Variants in AKAP9 observed in about 807,000 individuals in gnomAD.
The protein encoded by AKAP9 is A-kinase anchoring protein 9.
A neutral mutation model predicts 488.5 loss-of-function variants in AKAP9; 311 were observed. The observed-to-expected ratio is 0.64, with a 90% CI of 0.58 to 0.70. AKAP9 has a LOEUF of 0.70. Ranked by LOEUF, AKAP9 falls within the 30% of genes least tolerant of loss-of-function variation. The pLI is 0.00. For missense variants in AKAP9, 4,215 were observed against 4,374.5 expected, an observed-to-expected ratio of 0.96 and a Z score of 1.03; for synonymous variants, 1,462 against 1,483.5, an observed-to-expected ratio of 0.99 and a Z score of 0.33.
Position 92,061,326 on chromosome 7 carries a change from A to C in AKAP9, c.5668A>C (p.Thr1890Pro). 6.2e-7 allele frequency: 1 copy of C among 1,613,258 alleles called. No individual in the cohort carries two copies. Among genetic ancestry groups the C allele is most frequent in the Non-Finnish European group, 8.5e-7 (1 of 1,179,514 alleles). ...GTCATTTAGACAGAAACAAGAAGCA[A>C]CAGAGTCCCTTAAGTGCCAAGAGGA... ...RESFRQKQEA[T>P]ESLKCQEELR... Residue 1890 changes from threonine to proline, a missense_variant, in exon 23 of 50, where the codon ACA (threonine) becomes CCA (proline). Coordinates refer to ENST00000356239, the MANE Select transcript of AKAP9 (RefSeq NM_005751.5).
At chr7:92,107,615 T>A in intron 48 of AKAP9, 193 bp downstream of exon 48, 1 of 543,090 alleles carries the variant, frequency 1.8e-6, no homozygotes, top group Non-Finnish European at 3.3e-6. Flanking sequence ...GGCGGGCAGA[T>A]CATGAGGTCA....
chr7:91,947,906 A>G (rs1791668403), intron 1 of AKAP9, among the ~76,000 whole-genome samples: 2 of 152,150 alleles, frequency 1.3e-5, no homozygotes, highest in South Asian at 4.1e-4. Flanking sequence ...CTTCCCAAAC[A>G]TCTTTCCATC....
chr7:92,064,012 C>T (rs1017942726), intron 24 of AKAP9, among the ~76,000 whole-genome samples: 1 of 152,130 alleles, frequency 6.6e-6, no homozygotes, highest in African/African-American at 2.4e-5. Context: ...AATCTCCTGG[C>T]CTCAGGTGAT....
intron 8 of AKAP9, among the ~76,000 whole-genome samples, chr7:92,011,771 A>G (rs899681966): frequency 2.6e-5 from 4 of 152,204 alleles, no homozygotes; most frequent in Non-Finnish European, 5.9e-5. Flanking sequence ...GTGAGCCTCT[A>G]CTGCATTCTA....
intron 16 of AKAP9, 75 bp downstream of exon 16, chr7:92,031,679 A>C: frequency 8.9e-7 from 1 of 1,123,862 alleles, no homozygotes; most frequent in Non-Finnish European, 1.4e-6. Context: ...CATAGATTTT[A>C]TCGATGGTAT....
chr7:92,078,650 T>C (rs1813017389), intron 30 of AKAP9, among the ~76,000 whole-genome samples: 1 of 152,014 alleles, frequency 6.6e-6, no homozygotes, highest in African/African-American at 2.4e-5. Flanking sequence ...AATATTGTCA[T>C]AGGATTCTAA....
At chr7:92,089,046 T>A (rs957139634) in intron 37 of AKAP9, among the ~76,000 whole-genome samples, 2 of 152,172 alleles carry the variant, frequency 1.3e-5, no homozygotes, top group Admixed American at 6.5e-5. Flanking sequence ...CTTGGGAATA[T>A]CACTTTTTTT....
chr7:92,069,124 T>G (rs1403779070), intron 26 of AKAP9, among the ~76,000 whole-genome samples: 6 of 152,198 alleles, frequency 3.9e-5, no homozygotes, highest in African/African-American at 1.4e-4. Flanking sequence ...TCACACCCCT[T>G]CATCCTTAGC....
chr7:92,059,362 C>T (rs1418751199), intron 22 of AKAP9, among the ~76,000 whole-genome samples: 1 of 151,772 alleles, frequency 6.6e-6, no homozygotes, highest in Non-Finnish European at 1.5e-5. Context: ...TGTCTCATCT[C>T]CCGATGAAGT....
intron 9 of AKAP9, among the ~76,000 whole-genome samples, chr7:92,013,473 G>A (rs371329924): frequency 7.2e-5 from 11 of 152,308 alleles, no homozygotes; most frequent in African/African-American, 2.4e-4. Context: ...GCCTTATGCT[G>A]TTGGTGATAA....
rs769098388 is a variant in AKAP9, at chr7:92,089,500, G to A, written c.9329G>A (p.Arg3110Lys). The change falls in exon 38 of 50, where the codon AGA becomes AAA. Residue 3110 changes from arginine to lysine, a missense_variant. Around this residue, in one of 5 missense-constraint regions of AKAP9, gnomAD observed 1,476 missense variants for 1,477.4 expected, o/e 1.00. Coordinates refer to ENST00000356239, the MANE Select transcript of AKAP9 (RefSeq NM_005751.5). ...QMNGRKITLK[R>K]EQESEKPSQE... Reference sequence around the variant, plus strand: ...AATGGTAGGAAAATTACTCTGAAAAGAGAACAAGAGAGTGAGAAACCAAGC... The same window carrying A: ...AATGGTAGGAAAATTACTCTGAAAAAAGAACAAGAGAGTGAGAAACCAAGC... 76 of 1,613,314 alleles carry A rather than the reference G, an allele frequency of 4.7e-5. No homozygotes were observed. The highest frequency in any genetic ancestry group is 6.0e-5 in the Non-Finnish European group (71 of 1,179,638).
intron 24 of AKAP9, among the ~76,000 whole-genome samples, chr7:92,064,336 T>C (rs191943451): frequency 7.0e-4 from 106 of 152,140 alleles, no homozygotes; most frequent in African/African-American, 2.4e-3. Flanking sequence ...CCTAGGGATA[T>C]GTTCTTTCCA....
At chr7:92,052,282 A>G (rs1269270950) in intron 21 of AKAP9, among the ~76,000 whole-genome samples, 1 of 116,684 alleles carries the variant, frequency 8.6e-6, no homozygotes, top group Non-Finnish European at 1.7e-5. Flanking sequence ...ATCCCTCTGT[A>G]CAATTTGAAA....
chr7:92,108,929 G>A (rs1452697527), intron 49 of AKAP9: 1 of 471,604 alleles, frequency 2.1e-6, no homozygotes, highest in African/African-American at 1.9e-5. Context: ...CAGTGTGCAA[G>A]GTACTCTGAG....
chr7:92,100,733 C>A, intron 44 of AKAP9, 123 bp from the exon 45 acceptor site: 1 of 1,082,128 alleles, frequency 9.2e-7, no homozygotes, highest in Non-Finnish European at 1.4e-6. Flanking sequence ...TTGAGATTGG[C>A]TTTGAACTTT....
rs970740445 is a variant in AKAP9 at position 92,099,742 on chromosome 7, G to A, written c.10769G>A (p.Arg3590Lys). The change falls in exon 44 of 50, where the codon AGA becomes AAA. Residue 3590 changes from arginine (R) to lysine (K), a missense_variant. Physicochemically the swap from Arg to Lys is conservative, Grantham distance 26. Transcript: ENST00000356239. Reference protein sequence around the residue: ...SCGSLTERLLRQNAELTGHIS... With the variant: ...SCGSLTERLLKQNAELTGHIS... Reference sequence around the variant, plus strand: ...GGCTCATTGACTGAAAGACTACTGAGACAAAATGCTGAGCTGACAGGGCAT... The same window carrying A: ...GGCTCATTGACTGAAAGACTACTGAAACAAAATGCTGAGCTGACAGGGCAT... 1.7e-5 allele frequency: 27 copies of A among 1,613,960 alleles called. No homozygotes were observed. The highest frequency in any genetic ancestry group is 2.2e-5 in the Non-Finnish European group (26 of 1,179,996).
intron 1 of AKAP9, among the ~76,000 whole-genome samples, chr7:91,941,362 G>A (rs894612559): frequency 6.6e-6 from 1 of 152,224 alleles, no homozygotes; most frequent in Non-Finnish European, 1.5e-5. Flanking sequence ...ATACTTCCGC[G>A]AGGATTGAAT....
At chr7:92,007,462 G>A (rs983311537) in intron 8 of AKAP9, among the ~76,000 whole-genome samples, 1 of 151,910 alleles carries the variant, frequency 6.6e-6, no homozygotes, top group African/African-American at 2.4e-5. Context: ...ATGTTGGCCA[G>A]GCTGGTCTTG....
intron 38 of AKAP9, chr7:92,090,148 C>CT (rs1162772308): frequency 1.8e-4 from 27 of 152,274 alleles, no homozygotes; most frequent in African/African-American, 6.3e-4. Flanking sequence ...TGTTTTTGAA[C>CT]TTTATCAATC....
Sources: gnomAD v4.1 joint callset for allele counts (sites outside exome capture counted in the v4.1 genomes callset) on GRCh38, gnomAD v4.1.1 for gene constraint, gnomAD v4.1.1 regional missense constraint, MANE v1.5 for transcripts, NCBI Gene and HGNC (gene_info 2026-07-23, HGNC 2026-07-21) for gene names.